The following PGBD2 variants were observed in gnomAD, a reference collection of about 807,000 sequenced individuals.
PGBD2 encodes piggyBac transposable element derived 2.
PGBD2 carries 6 observed loss-of-function variants against 8.1 expected under a neutral mutation model. The observed-to-expected ratio is 0.74, with a 90% CI of 0.40 to 1.46. The LOEUF is 1.46. PGBD2 is among the 40% of genes most tolerant of loss of function. The pLI is 0.02. For missense variants in PGBD2, 802 were observed against 739.0 expected, an observed-to-expected ratio of 1.09 and a Z score of -0.99; for synonymous variants, 318 against 272.2, an observed-to-expected ratio of 1.17 and a Z score of -1.66.
intron 1 of PGBD2, among the ~76,000 whole-genome samples, chr1:248,910,283 TG>T (rs925769985): frequency 4.6e-5 from 7 of 152,228 alleles, no homozygotes; most frequent in African/African-American, 1.4e-4. Flanking sequence ...CCAAAGAGTT[TG>T]TTGCAAAGTT....
At chr1:248,878,219 G>A in the PGBD2 span, among the ~76,000 whole-genome samples, 2 of 148,536 alleles carry the variant, frequency 1.3e-5, no homozygotes, top group African/African-American at 2.5e-5. Context: ...TCGCTCTGTC[G>A]CCCAGGCTGG....
upstream of PGBD2, among the ~76,000 whole-genome samples, chr1:248,903,853 A>T (rs926649709): frequency 6.6e-6 from 1 of 152,140 alleles, no homozygotes; most frequent in African/African-American, 2.4e-5. Flanking sequence ...GCTGTCAAAA[A>T]CTTTAATGTA....
the PGBD2 span, among the ~76,000 whole-genome samples, chr1:248,874,445 C>A: frequency 6.6e-6 from 1 of 152,302 alleles, no homozygotes; most frequent in East Asian, 1.9e-4. Flanking sequence ...GAGTAGTTAC[C>A]TGAAATGGAC....
downstream of PGBD2, among the ~76,000 whole-genome samples, chr1:248,920,146 C>CT (rs375371729): frequency 5.0e-4 from 75 of 150,328 alleles, no homozygotes; most frequent in African/African-American, 1.2e-3. Flanking sequence ...CAGTATATAT[C>CT]TTTTTTTTTT....
the PGBD2 span, among the ~76,000 whole-genome samples, chr1:248,893,953 G>A: frequency 9.2e-5 from 14 of 152,294 alleles, no homozygotes; most frequent in Admixed American, 2.6e-4. Context: ...TAACAGGTAT[G>A]AGATGATATT....
chr1:248,917,307 GT>G lies in PGBD2; in HGVS notation c.726del (p.Phe242LeufsTer11). 1.2e-6 allele frequency: 2 copies of G among 1,614,170 alleles called. No individual in the cohort carries two copies. The highest frequency in any genetic ancestry group is 1.7e-6 in the Non-Finnish European group (2 of 1,180,020). On this transcript the variant is annotated frameshift_variant, in exon 3 of 3. Transcript: ENST00000329291. LOFTEE classifies it low-confidence loss of function (END_TRUNC). ...ACAACGAACTTGATGCAAGTGATAG[GT>G]TTGCCAAGGTCAGACCTCTCATCAT... ...DNNELDASDR[F>X]AKVRPLIIRM...
At chr1:248,913,767 G>A (rs2103111621) in intron 1 of PGBD2, 49 bp from the exon 2 acceptor site, 1 of 956,402 alleles carries the variant, frequency 1.0e-6, no homozygotes, top group South Asian at 1.3e-5. Context: ...CTGTTGCCTT[G>A]CTTCTTAAGA....
the PGBD2 span, among the ~76,000 whole-genome samples, chr1:248,890,211 T>C: frequency 0.035 from 5,266 of 152,044 alleles, 298 homozygotes; most frequent in African/African-American, 0.12. Context: ...CAGGCGTGAG[T>C]CTCTGCACCC....
chr1:248,919,171 C>T (rs1662229950), downstream of PGBD2: 2 of 166,950 alleles, frequency 1.2e-5, no homozygotes, highest in South Asian at 2.1e-4. Context: ...CTAGCAAATA[C>T]TAGGTCTTAC....
chr1:248,885,479 A>G, the PGBD2 span, among the ~76,000 whole-genome samples: 1 of 152,126 alleles, frequency 6.6e-6, no homozygotes, highest in Non-Finnish European at 1.5e-5. Context: ...TACATCAGGA[A>G]TAGAAAATTA....
At chr1:248,929,194 CTT>C in the PGBD2 span, among the ~76,000 whole-genome samples, 1 of 152,104 alleles carries the variant, frequency 6.6e-6, no homozygotes, top group Non-Finnish European at 1.5e-5. Flanking sequence ...TCAGGCTAAA[CTT>C]TGGTTTCTGT....
chr1:248,908,570 G>A (rs1263361453), intron 1 of PGBD2, among the ~76,000 whole-genome samples: 2 of 152,052 alleles, frequency 1.3e-5, no homozygotes, highest in East Asian at 3.8e-4. Flanking sequence ...TTTTGCCGTA[G>A]CCTTTTTGTC....
the PGBD2 span, among the ~76,000 whole-genome samples, chr1:248,879,964 G>GGA: frequency 6.6e-6 from 1 of 152,060 alleles, no homozygotes; most frequent in Non-Finnish European, 1.5e-5. Context: ...TGCATGCTGT[G>GGA]GAGAGAGCAA....
upstream of PGBD2, among the ~76,000 whole-genome samples, chr1:248,903,324 G>C (rs1302176728): frequency 6.6e-6 from 1 of 151,842 alleles, no homozygotes; most frequent in African/African-American, 2.4e-5. Context: ...TTAGCTTCCT[G>C]AGTATCTGGG....
rs553354150 is a variant in PGBD2, at chr1:248,914,343, G to A, written c.17+464G>A. 3.1e-5 allele frequency: 29 copies of A among 939,560 alleles called. No homozygotes were observed. The Admixed American group carries it at 8.0e-4, about 26-fold the overall frequency. The allele number at this position is 939,560 out of a possible 1,614,324, so 58.2% of individuals were successfully genotyped here. On this transcript the variant is annotated intron_variant, in intron 2 of 2. Transcript: ENST00000329291. ...CTGGGTGAGGACAGGTCAGGAAAGC[G>A]TGAAGATGGCTGCTGTACCCCTTAC...
chr1:248,883,695 C>G, the PGBD2 span, among the ~76,000 whole-genome samples: 1 of 145,090 alleles, frequency 6.9e-6, no homozygotes, highest in African/African-American at 2.6e-5. Flanking sequence ...CTCCCAGGTT[C>G]GAGTGATTCT....
chr1:248,918,778 C>T lies in PGBD2; in HGVS notation c.*415C>T, dbSNP rs1452205123. On this transcript the variant is annotated 3_prime_UTR_variant, in exon 3 of 3. Transcript: ENST00000329291. ...AATATCATGTAAATGTGATGGATTT[C>T]TTAATCATATTTATTTCATATTAAT... The T allele has an allele frequency of 6.0e-6, 1 of 166,914 alleles. No homozygotes were observed. Among genetic ancestry groups the T allele is most frequent in the Non-Finnish European group, 1.5e-5 (1 of 68,100 alleles). 10.3% of individuals were successfully genotyped at this position (166,914 alleles called of 1,614,324 possible). A position where few individuals can be genotyped will look rare whatever the true frequency, so the allele number is the denominator to read the frequency against.
At chr1:248,875,321 AAAAAAAAGAAAAG>A in the PGBD2 span, among the ~76,000 whole-genome samples, 1 of 149,168 alleles carries the variant, frequency 6.7e-6, no homozygotes, top group Non-Finnish European at 1.5e-5. Flanking sequence ...AAAAAAAAAA[AAAAAAAAGAAAAG>A]AAAAAAAGAA....
chr1:248,914,342 C>G (rs78367748), intron 2 of PGBD2: 3 of 932,146 alleles, frequency 3.2e-6, no homozygotes, highest in South Asian at 5.0e-5. Flanking sequence ...GTCAGGAAAG[C>G]GTGAAGATGG....
Sources: gnomAD v4.1 joint callset for allele counts (sites outside exome capture counted in the v4.1 genomes callset) on GRCh38, gnomAD v4.1.1 for gene constraint, MANE v1.5 for transcripts, NCBI Gene and HGNC (gene_info 2026-07-23, HGNC 2026-07-21) for gene names.